EVI5L: variants seen among roughly 807,000 people sequenced by gnomAD.
EVI5L encodes ecotropic viral integration site 5 like, also known as EVI5-like protein.
Under a neutral mutation model 106.1 loss-of-function variants are expected in EVI5L, and 30 were observed. The ratio of observed to expected loss-of-function variants is 0.28; its 90% CI spans 0.21 to 0.38. EVI5L has a LOEUF of 0.38. Among genes scored for constraint, EVI5L ranks in the 10% least tolerant of loss-of-function variants. The pLI is 1.00. For synonymous variants in EVI5L, 489 were observed against 483.3 expected (o/e 1.01, Z -0.15); for missense variants, 809 against 1,098.0 (o/e 0.74, Z 3.72).
chr19:7,849,333 AGGTGGCTGGGG>A lies in EVI5L; in HGVS notation c.627+14_627+24del, dbSNP rs1568238607. The A allele has an allele frequency of 1.2e-6, 2 of 1,613,948 alleles. No homozygotes were observed. Among genetic ancestry groups the A allele is most frequent in the South Asian group, 1.1e-5 (1 of 91,084 alleles). ...TCGTGGGCCTGCTCCTCATGCAGGT[AGGTGGCTGGGG>A]GGTGGCTGGGCTCCTGCCAGACAAC... On this transcript the variant is annotated splice_donor_5th_base_variant and intron_variant, in intron 5 of 19. Transcript: ENST00000538904.
In EVI5L at chr19:7,857,166, C is replaced by G. The variant is rs1338691258; in HGVS notation, c.1233+42C>G. ...TCCCCTCTCCGGATTCCTTCCTGGC[C>G]CCTTCCCTGCACCCTGCACATGACA... On this transcript the variant is annotated intron_variant, in intron 12 of 19. Coordinates refer to ENST00000538904, the MANE Select transcript of EVI5L (RefSeq NM_001159944.3). The surrounding 1 kb of genome is among the most constrained non-coding windows in gnomAD (Gnocchi z 4.5). 1 of 1,549,898 alleles carries G rather than the reference C, an allele frequency of 6.5e-7. No homozygotes were observed. The highest frequency in any genetic ancestry group is 1.2e-5 in the South Asian group (1 of 84,012).
At position 7,850,193 on chromosome 19, in the gene EVI5L, A is replaced by G. The variant is rs1176871316; in HGVS notation, c.753+71A>G. 3 of 1,538,138 alleles carry G rather than the reference A, an allele frequency of 2.0e-6. No individual in the cohort carries two copies. In the Admixed American group the frequency reaches 5.9e-5, roughly 30 times the overall value. The stretch of plus-strand genomic sequence containing the variant: ...CAGGTGGGCAGGGCCGCAAGGGAGC[A>G]GGATCGCAGAAGGGCAGGGCTGGCA... On this transcript the variant is annotated intron_variant, in intron 6 of 19. Transcript: ENST00000538904. This position sits in a 1 kb window ranked among gnomAD's most constrained non-coding sequence, Gnocchi z 5.4.
chr19:7,863,553 G>T lies in EVI5L; in HGVS notation c.2269G>T (p.Ala757Ser). Residue 757 changes from alanine to serine, a missense_variant, in exon 20 of 20, where the codon GCT becomes TCT. Around this residue, in one of 2 missense-constraint regions of EVI5L, gnomAD observed 452 missense variants for 509.9 expected, o/e 0.89. Transcript: ENST00000538904. This position sits in a 1 kb window ranked among gnomAD's most constrained non-coding sequence, Gnocchi z 7.7. ...GGAGCTACTTGGCGTAGGCGTGGGC[G>T]CTGCCCTGCAGGACGCATTGTACCC... ...DEELLGVGVG[A>S]ALQDALYPLS... The T allele has an allele frequency of 6.3e-7, 1 of 1,599,896 alleles. No individual in the cohort carries two copies. The highest frequency in any genetic ancestry group is 1.7e-5 in the Admixed American group (1 of 58,736).
In EVI5L at chr19:7,846,638, C is replaced by G. The variant is rs767378471; in HGVS notation, c.96C>G (p.Pro32=). 2.5e-6 allele frequency: 4 copies of G among 1,613,568 alleles called. No homozygotes were observed. The African/African-American group carries it at 5.3e-5, about 22-fold the overall frequency. ...CCTCTGACTCCGAGAACCTCAGCCC[C>G]GATGAGCTGGAGCTGCTGGCCAAGC... is the stretch of plus-strand genomic sequence containing the variant. ...SPTSDSENLS[P]DELELLAKLE... The change falls in exon 2 of 20, where the codon CCC becomes CCG. Residue 32 remains proline, a synonymous_variant. Coordinates refer to ENST00000538904, the MANE Select transcript of EVI5L (RefSeq NM_001159944.3).
chr19:7,860,521 C>T, intron 13 of EVI5L, 40 bp from the exon 14 acceptor site: 1 of 1,528,654 alleles, frequency 6.5e-7, no homozygotes. Flanking sequence ...CATCCCCCAG[C>T]CATGGCCTGG....
Position 7,858,425 on chromosome 19 carries a change from G to C in EVI5L, c.1374+94G>C, listed in dbSNP as rs559262917. 17 of 1,402,436 alleles carry C rather than the reference G, an allele frequency of 1.2e-5. No homozygotes were observed. Among genetic ancestry groups the C allele is most frequent in the Non-Finnish European group, 1.5e-5 (16 of 1,076,728 alleles). The allele number at this position is 1,402,436 out of a possible 1,614,324, so 86.9% of individuals were successfully genotyped here. Reference sequence around the variant, plus strand: ...TCTTTCAGGGCTCATAATCTGCCCCGCCTCAGCACCTGGCCCTCCTGTTCC... The same window carrying C: ...TCTTTCAGGGCTCATAATCTGCCCCCCCTCAGCACCTGGCCCTCCTGTTCC... On this transcript the variant is annotated intron_variant, in intron 13 of 19. Coordinates refer to ENST00000538904, the MANE Select transcript of EVI5L (RefSeq NM_001159944.3). This position sits in a 1 kb window ranked among gnomAD's most constrained non-coding sequence, Gnocchi z 5.7.
chr19:7,849,274 C>T lies in EVI5L; in HGVS notation c.571C>T (p.Arg191Trp), dbSNP rs1279074715. ...NVMKAYSLVD[R>W]EVGYCQGSAF... ...CTTCTAGGCATACTCGCTGGTAGAC[C>T]GGGAGGTGGGCTACTGCCAGGGAAG... Residue 191 changes from arginine (R) to tryptophan (W), a missense_variant, in exon 5 of 20, where the codon CGG becomes TGG. This residue lies in a region of EVI5L where 357 missense variants were observed against 588.1 expected (regional missense o/e 0.61). Coordinates refer to ENST00000538904, the MANE Select transcript of EVI5L (RefSeq NM_001159944.3). 2.5e-6 allele frequency: 4 copies of T among 1,614,048 alleles called. No individual in the cohort carries two copies. Among genetic ancestry groups the T allele is most frequent in the East Asian group, 2.2e-5 (1 of 44,900 alleles).
In EVI5L at chr19:7,863,179, C is replaced by G; in HGVS notation, c.2044-6C>G. 1.3e-6 allele frequency: 2 copies of G among 1,553,542 alleles called. No homozygotes were observed. Among genetic ancestry groups the G allele is most frequent in the Non-Finnish European group, 8.7e-7 (1 of 1,148,818 alleles). On this transcript the variant is annotated splice_polypyrimidine_tract_variant and splice_region_variant and intron_variant, in intron 18 of 19. Transcript: ENST00000538904. This position sits in a 1 kb window ranked among gnomAD's most constrained non-coding sequence, Gnocchi z 7.7. ...CTGGCCCCGCGTGACCTGGCGCACC[C>G]CGCAGAGGGAGGAAGGCCGCATCCA... is the stretch of plus-strand genomic sequence containing the variant.
rs756759314 is a variant in EVI5L at position 7,851,452 on chromosome 19, A to G, written c.772A>G (p.Asn258Asp). The G allele has an allele frequency of 1.2e-6, 2 of 1,612,144 alleles. No homozygotes were observed. Among genetic ancestry groups the G allele is most frequent in the East Asian group, 2.2e-5 (1 of 44,784 alleles). ...YMLQEQLPDL[N>D]THFRSQSFHT... ...CCTGCAGGAGCAGCTCCCAGACCTC[A>G]ACACCCACTTCCGTTCCCAAAGCTT... The change falls in exon 7 of 20, where the codon AAC (asparagine) becomes GAC (aspartate). Residue 258 changes from asparagine (N) to aspartate (D), a missense_variant. Asn to Asp is a conservative substitution (Grantham distance 23). This residue lies in a region of EVI5L where 357 missense variants were observed against 588.1 expected (regional missense o/e 0.61). Transcript: ENST00000538904.
intron 1 of EVI5L, among the ~76,000 whole-genome samples, chr19:7,838,556 G>A (rs189099396): frequency 2.0e-5 from 3 of 152,298 alleles, no homozygotes; most frequent in East Asian, 1.9e-4. Flanking sequence ...CTGCCTAAGC[G>A]ACATGGAAAG....
intron 1 of EVI5L, among the ~76,000 whole-genome samples, chr19:7,832,162 A>G (rs1422551449): frequency 1.3e-5 from 2 of 152,088 alleles, no homozygotes; most frequent in Non-Finnish European, 2.9e-5. Context: ...TCCAACCTGT[A>G]GGTTCCTCTG....
At position 7,849,073 on chromosome 19, in the gene EVI5L, C is replaced by T. The variant is rs759988668; in HGVS notation, c.480C>T (p.Arg160=). Residue 160 remains arginine, a synonymous_variant, in exon 4 of 20, where the codon CGC becomes CGT. Transcript: ENST00000538904. ...AGCTGATCCGCAGGGACATCGCCCG[C>T]ACCTACCCGGAACATGAGTTCTTCA... The part of the protein sequence containing the change: ...CEKLIRRDIA[R]TYPEHEFFKG... 6.2e-7 allele frequency: 1 copy of T among 1,612,096 alleles called. No homozygotes were observed. Among genetic ancestry groups the T allele is most frequent in the South Asian group, 1.1e-5 (1 of 90,752 alleles).
rs1000102939 is a variant in EVI5L at position 7,859,616 on chromosome 19, C to T, written c.1375-945C>T. 2.0e-5 allele frequency among the ~76,000 whole-genome samples: 3 copies of T among 152,350 alleles called. 1 individual carries two copies. In the South Asian group the frequency reaches 6.2e-4, roughly 32 times the overall value. ...CTGTGAGCACTCTTGTCCCACCTTGCTCTGAGGCAGCATGGACATTAGGGA... is the reference window on the plus strand; with the variant it reads ...CTGTGAGCACTCTTGTCCCACCTTGTTCTGAGGCAGCATGGACATTAGGGA... On this transcript the variant is annotated intron_variant, in intron 13 of 19. Transcript: ENST00000538904.
At chr19:7,836,201 C>T (rs972869218) in intron 1 of EVI5L, among the ~76,000 whole-genome samples, 13 of 151,246 alleles carry the variant, frequency 8.6e-5, no homozygotes, top group African/African-American at 3.2e-4. Context: ...CGTGCAACTG[C>T]ACTCCAGCCT....
Position 7,853,252 on chromosome 19 carries a change from C to T in EVI5L, c.1086-21C>T, listed in dbSNP as rs777797707. 2.0e-5 allele frequency: 33 copies of T among 1,613,788 alleles called. No homozygotes were observed. The South Asian group carries it at 2.1e-4, about 10-fold the overall frequency. On this transcript the variant is annotated intron_variant, in intron 9 of 19. Transcript: ENST00000538904. ...ACCCCCGAGGGCATGACAGTAACCA[C>T]GGGGCCCTCCCGATCTGCAGGCTGG...
intron 7 of EVI5L, 49 bp from the exon 8 acceptor site, chr19:7,851,632 C>G: frequency 6.3e-7 from 1 of 1,593,980 alleles, no homozygotes; most frequent in Non-Finnish European, 8.5e-7. Flanking sequence ...GTGGTTGGAA[C>G]AGGAGCCTCC....
chr19:7,851,683 G>A lies in EVI5L; in HGVS notation c.900G>A (p.Gly300=), dbSNP rs779463739. The A allele has an allele frequency of 3.2e-6, 5 of 1,580,760 alleles. No individual in the cohort carries two copies. Among genetic ancestry groups the A allele is most frequent in the Middle Eastern group, 1.7e-4 (1 of 5,942 alleles). The change falls in exon 8 of 20, where the codon GGG becomes GGA. Residue 300 remains glycine (G), a splice_region_variant and synonymous_variant. Transcript: ENST00000538904. ...TRVFDIFMYE[G]LEIVFRVGLA... Reference sequence around the variant, plus strand: ...CACTGCCTTTGCCGCCTTTGCAGGGGCTGGAGATCGTGTTCCGAGTGGGCC... The same window carrying A: ...CACTGCCTTTGCCGCCTTTGCAGGGACTGGAGATCGTGTTCCGAGTGGGCC...
rs201270758 is a variant in EVI5L, at chr19:7,846,566, C to T, written c.24C>T (p.Pro8=). ...CCATGGCGAGCCCCACTCTGAGCCC[C>T]GACTCCTCATCCCAGGAGGCCCTGT... MASPTLS[P]DSSSQEALSA... The change falls in exon 2 of 20, where the codon CCC becomes CCT. Residue 8 remains proline (P), a synonymous_variant. Coordinates refer to ENST00000538904, the MANE Select transcript of EVI5L (RefSeq NM_001159944.3). The T allele has an allele frequency of 2.9e-5, 47 of 1,612,940 alleles. No homozygotes were observed. The highest frequency in any genetic ancestry group is 2.7e-4 in the South Asian group (25 of 90,954).
chr19:7,842,095 T>C (rs929092414), intron 1 of EVI5L, among the ~76,000 whole-genome samples: 1 of 152,006 alleles, frequency 6.6e-6, no homozygotes, highest in African/African-American at 2.4e-5. Context: ...TGTTGAGAAG[T>C]GTGAAAGAGT....
Sources: allele counts gnomAD v4.1 joint callset (sites outside exome capture counted in the v4.1 genomes callset), GRCh38; gene constraint gnomAD v4.1.1; regional missense constraint gnomAD v4.1.1; non-coding constraint Gnocchi (gnomAD v3.1); transcripts MANE v1.5; gene names NCBI Gene and HGNC (gene_info 2026-07-23, HGNC 2026-07-21).